Variants in LONP2 observed in about 807,000 individuals in gnomAD.
The protein encoded by LONP2 is lon peptidase 2, peroxisomal.
Under a neutral mutation model 85.6 loss-of-function variants are expected in LONP2, and 60 were observed. The ratio of observed to expected loss-of-function variants is 0.70; its 90% CI spans 0.57 to 0.87. The LOEUF is 0.87. LONP2 is among the 40% of genes least tolerant of loss of function. The pLI is 0.00. For synonymous variants in LONP2, 395 were observed against 389.7 expected (o/e 1.01, Z -0.16); for missense variants, 860 against 1,063.5 (o/e 0.81, Z 2.66).
intron 8 of LONP2, 148 bp from the exon 9 acceptor site, chr16:48,295,867 A>G: frequency 5.8e-6 from 4 of 690,538 alleles, no homozygotes; most frequent in Middle Eastern, 4.1e-4. Flanking sequence ...AATGCAAATA[A>G]TAATGCTCAG....
chr16:48,341,886 A>T (rs1959820903), intron 12 of LONP2, among the ~76,000 whole-genome samples: 1 of 152,170 alleles, frequency 6.6e-6, no homozygotes, highest in South Asian at 2.1e-4. Flanking sequence ...ACTGCCCCGA[A>T]TCCGAGGAGG....
chr16:48,362,579 TA>T lies in LONP2; in HGVS notation c.*723del, dbSNP rs916392859. 258 of 749,498 alleles carry T rather than the reference TA, an allele frequency of 3.4e-4. No individual in the cohort carries two copies. The highest frequency in any genetic ancestry group is 5.0e-4 in the Non-Finnish European group (231 of 462,898). The allele number at this position is 749,498 out of a possible 1,614,324, so 46.4% of individuals were successfully genotyped here. A position where few individuals can be genotyped will look rare whatever the true frequency, so the allele number is the denominator to read the frequency against. Reference sequence around the variant, plus strand: ...AGAAAAATAGGATTAAAAAAGATATTAAAAAAATAAAATTACACTGAATGTG... The same window carrying T: ...AGAAAAATAGGATTAAAAAAGATATTAAAAAATAAAATTACACTGAATGTG... On this transcript the variant is annotated 3_prime_UTR_variant, in exon 5 of 5. Transcript: ENST00000565867. This position sits in a 1 kb window ranked among gnomAD's most constrained non-coding sequence, Gnocchi z 4.2.
intron 11 of LONP2, among the ~76,000 whole-genome samples, chr16:48,333,666 T>G (rs1436301884): frequency 2.2e-3 from 221 of 102,550 alleles, no homozygotes; most frequent in South Asian, 2.3e-3. Flanking sequence ...AAAAAAGTGT[T>G]GGGGGGAGAG....
intron 3 of LONP2, 60 bp from the exon 4 acceptor site, chr16:48,258,558 T>A: frequency 6.6e-7 from 1 of 1,509,324 alleles, no homozygotes; most frequent in Non-Finnish European, 8.9e-7. Context: ...GCTCTGACTG[T>A]CTGTTTTTGG....
chr16:48,312,787 A>G (rs1461759381), intron 11 of LONP2, among the ~76,000 whole-genome samples: 1 of 152,228 alleles, frequency 6.6e-6, no homozygotes. Flanking sequence ...TGGTGCCTGC[A>G]GATGAGCGTC....
Position 48,348,238 on chromosome 16 carries a change from G to A in LONP2, c.2285G>A (p.Arg762His), listed in dbSNP as rs372954881. 31 of 1,606,154 alleles carry A rather than the reference G, an allele frequency of 1.9e-5. No individual in the cohort carries two copies. The highest frequency in any genetic ancestry group is 7.9e-5 in the South Asian group (7 of 89,044). ...LASLFSGRLV[R>H]SDVAMTGEIT... Reference sequence around the variant, plus strand: ...TCACTTTTTAGTGGGCGGCTGGTACGTTCAGATGTAGCCATGACTGGAGAA... The same window carrying A: ...TCACTTTTTAGTGGGCGGCTGGTACATTCAGATGTAGCCATGACTGGAGAA... The change falls in exon 14 of 15, where the codon CGT (arginine) becomes CAT (histidine). Residue 762 changes from arginine (R) to histidine (H), a missense_variant. Around this residue, in one of 3 missense-constraint regions of LONP2, gnomAD observed 115 missense variants for 129.0 expected, o/e 0.89. Coordinates refer to ENST00000285737, the MANE Select transcript of LONP2 (RefSeq NM_031490.5).
intron 10 of LONP2, among the ~76,000 whole-genome samples, chr16:48,302,046 A>G (rs903938283): frequency 6.6e-6 from 1 of 152,170 alleles, no homozygotes; most frequent in Admixed American, 6.5e-5. Context: ...TAGGAAGCCC[A>G]TGCTTTTCTT....
intron 3 of LONP2, among the ~76,000 whole-genome samples, 177 bp from the exon 4 acceptor site, chr16:48,258,441 A>G (rs1260385846): frequency 2.0e-5 from 3 of 152,020 alleles, no homozygotes; most frequent in African/African-American, 7.2e-5. Flanking sequence ...TCTGATATTC[A>G]TCTCAAACAA....
At chr16:48,276,957 G>A (rs74016384) in intron 7 of LONP2, among the ~76,000 whole-genome samples, 1 of 152,132 alleles carries the variant, frequency 6.6e-6, no homozygotes, top group South Asian at 2.1e-4. Context: ...AGGTGGTTGC[G>A]TTGGGTAGGG....
At chr16:48,279,052 A>G (rs1440517622) in intron 8 of LONP2, among the ~76,000 whole-genome samples, 3 of 152,128 alleles carry the variant, frequency 2.0e-5, no homozygotes, top group African/African-American at 4.8e-5. Flanking sequence ...TAGTTGTAAT[A>G]TATCTTATCT....
At chr16:48,318,962 CT>C (rs1973203857) in intron 11 of LONP2, among the ~76,000 whole-genome samples, 1 of 151,266 alleles carries the variant, frequency 6.6e-6, no homozygotes. Context: ...GAATCAAGTG[CT>C]TTTGATCCTT....
intron 12 of LONP2, among the ~76,000 whole-genome samples, chr16:48,337,241 C>T (rs904561836): frequency 7.9e-5 from 12 of 152,180 alleles, no homozygotes; most frequent in African/African-American, 2.9e-4. Context: ...AATTCCTGCC[C>T]TTGTCTGCTA....
intron 12 of LONP2, among the ~76,000 whole-genome samples, chr16:48,342,054 C>T (rs910721553): frequency 7.2e-5 from 11 of 152,204 alleles, no homozygotes; most frequent in Middle Eastern, 3.4e-3. Context: ...GCAAAAGGAA[C>T]GGACATTAGG....
chr16:48,268,523 T>G (rs57646139), intron 6 of LONP2, among the ~76,000 whole-genome samples: 2,083 of 152,326 alleles, frequency 0.014, 47 homozygotes, highest in African/African-American at 0.047. Flanking sequence ...GGACTTAGTA[T>G]ATTATTCTTT....
At chr16:48,268,867 T>C (rs1232681648) in intron 6 of LONP2, among the ~76,000 whole-genome samples, 1 of 152,170 alleles carries the variant, frequency 6.6e-6, no homozygotes, top group Non-Finnish European at 1.5e-5. Flanking sequence ...GGCCATTTTT[T>C]TCCTTTATGA....
intron 6 of LONP2, among the ~76,000 whole-genome samples, chr16:48,268,747 C>G (rs1179706478): frequency 6.6e-6 from 1 of 152,144 alleles, no homozygotes; most frequent in Non-Finnish European, 1.5e-5. Flanking sequence ...TCTCCTACTT[C>G]ACTCACCTAG....
chr16:48,258,533 G>A, intron 3 of LONP2, 85 bp from the exon 4 acceptor site: 2 of 1,371,580 alleles, frequency 1.5e-6, no homozygotes, highest in Non-Finnish European at 2.0e-6. Flanking sequence ...TTTTAACTTG[G>A]CAATTTAAAC....
chr16:48,265,523 C>T (rs1377884487), intron 6 of LONP2, among the ~76,000 whole-genome samples: 1 of 147,750 alleles, frequency 6.8e-6, no homozygotes, highest in Non-Finnish European at 1.5e-5. Context: ...AATTGGTTGA[C>T]CTTCTAGGTA....
intron 8 of LONP2, among the ~76,000 whole-genome samples, chr16:48,282,894 C>A (rs900396122): frequency 3.3e-5 from 5 of 152,124 alleles, no homozygotes; most frequent in Non-Finnish European, 7.4e-5. Flanking sequence ...GCCTCTTGTG[C>A]CAGATAGCCA....
Sources: allele counts gnomAD v4.1 joint callset (sites outside exome capture counted in the v4.1 genomes callset), GRCh38; gene constraint gnomAD v4.1.1; regional missense constraint gnomAD v4.1.1; non-coding constraint Gnocchi (gnomAD v3.1); transcripts MANE v1.5; gene names NCBI Gene and HGNC (gene_info 2026-07-23, HGNC 2026-07-21).